LARGE1: variants seen among roughly 807,000 people sequenced by gnomAD.
The protein encoded by LARGE1 is LARGE xylosyl- and glucuronyltransferase 1.
LARGE1 carries 43 observed loss-of-function variants against 87.6 expected under a neutral mutation model. That is an observed-to-expected ratio of 0.49 (90% CI 0.38 to 0.63). The LOEUF is 0.63. LARGE1 is among the 30% of genes least tolerant of loss of function. The pLI is 0.00. For missense variants in LARGE1, 802 were observed against 1,000.2 expected, an observed-to-expected ratio of 0.80 and a Z score of 2.67; for synonymous variants, 434 against 394.6, an observed-to-expected ratio of 1.10 and a Z score of -1.18.
chr22:33,606,972 C>T (rs147637487), intron 4 of LARGE1, among the ~76,000 whole-genome samples: 1 of 152,152 alleles, frequency 6.6e-6, no homozygotes, highest in Admixed American at 6.5e-5. Flanking sequence ...CTACACCCCC[C>T]ATGTGAGCTC....
chr22:33,406,301 C>T (rs1368428164), intron 7 of LARGE1, among the ~76,000 whole-genome samples: 6 of 152,144 alleles, frequency 3.9e-5, no homozygotes, highest in East Asian at 1.9e-4. Context: ...TCTTCCCTTC[C>T]CCATTCTGTC....
At chr22:33,540,111 T>G (rs1292947343) in intron 6 of LARGE1, among the ~76,000 whole-genome samples, 1 of 152,142 alleles carries the variant, frequency 6.6e-6, no homozygotes, top group Non-Finnish European at 1.5e-5. Context: ...TCCTGCCTTC[T>G]ACTCCCCTTC....
At chr22:33,780,417 C>A (rs958906743) in intron 1 of LARGE1, among the ~76,000 whole-genome samples, 1 of 149,266 alleles carries the variant, frequency 6.7e-6, no homozygotes, top group East Asian at 2.0e-4. Flanking sequence ...TCAGTGATAC[C>A]CAGTCCCCAG....
At chr22:33,719,921 T>C (rs772837988) in intron 2 of LARGE1, among the ~76,000 whole-genome samples, 3 of 152,280 alleles carry the variant, frequency 2.0e-5, no homozygotes, top group South Asian at 2.1e-4. Context: ...TCACATGCTA[T>C]ACAGGTTTGC....
intron 2 of LARGE1, among the ~76,000 whole-genome samples, chr22:33,692,977 CA>C (rs2082137769): frequency 6.6e-6 from 1 of 152,076 alleles, no homozygotes; most frequent in South Asian, 2.1e-4. Context: ...TTCACAATAG[CA>C]AAGACATGGG....
chr22:33,369,627 C>T (rs771693186), intron 9 of LARGE1, among the ~76,000 whole-genome samples: 37 of 152,078 alleles, frequency 2.4e-4, no homozygotes, highest in Non-Finnish European at 4.4e-4. Context: ...TGCGGTGGCA[C>T]GATCTAGGCT....
Position 33,363,239 on chromosome 22 carries a change from T to C in LARGE1, c.1131+18680A>G, listed in dbSNP as rs142972018. Among the ~76,000 whole-genome samples the C allele has an allele frequency of 8.7e-4, 130 of 149,818 alleles. 7 individuals are homozygous for C. In the East Asian group the frequency reaches 0.021, roughly 24 times the overall value. ...TGCCTGAAACCATGCAATAGTGCTGTATAAGTCCGTTTTCACGCTGCTGAT... is the reference window on the plus strand; with the variant it reads ...TGCCTGAAACCATGCAATAGTGCTGCATAAGTCCGTTTTCACGCTGCTGAT... On this transcript the variant is annotated intron_variant, in intron 9 of 14. Coordinates refer to ENST00000397394, the MANE Select transcript of LARGE1 (RefSeq NM_133642.5).
Position 33,622,357 on chromosome 22 carries a change from T to C in LARGE1, c.491+3887A>G, listed in dbSNP as rs1305379382. On this transcript the variant is annotated intron_variant, in intron 4 of 14. Transcript: ENST00000397394. ...CCTTCCTGCCATCTTGTGAAGAAGA[T>C]GCCTTGCTCCCGCTTCACCTTCCGC... 2.6e-5 allele frequency among the ~76,000 whole-genome samples: 4 copies of C among 152,176 alleles called. No individual in the cohort carries two copies. The East Asian group carries it at 7.7e-4, about 29-fold the overall frequency.
chr22:33,795,203 C>T (rs1001027098), intron 1 of LARGE1, among the ~76,000 whole-genome samples: 1 of 152,184 alleles, frequency 6.6e-6, no homozygotes, highest in African/African-American at 2.4e-5. Flanking sequence ...AGGATAAATA[C>T]AGTAACAAGT....
intron 1 of LARGE1, among the ~76,000 whole-genome samples, chr22:33,796,722 A>C (rs2085995860): frequency 1.4e-5 from 2 of 144,678 alleles, no homozygotes; most frequent in Middle Eastern, 3.5e-3. Flanking sequence ...CAGGTGGAGG[A>C]GGAGGGGAGA....
At chr22:33,228,526 C>T (rs1925847745) in intron 11 of LARGE1, among the ~76,000 whole-genome samples, 1 of 152,290 alleles carries the variant, frequency 6.6e-6, no homozygotes, top group African/African-American at 2.4e-5. Flanking sequence ...TGAAGGCAAC[C>T]TCTAACAACT....
intron 6 of LARGE1, among the ~76,000 whole-genome samples, chr22:33,553,648 T>C (rs1416123259): frequency 6.6e-6 from 1 of 152,196 alleles, no homozygotes; most frequent in African/African-American, 2.4e-5. Flanking sequence ...CTCACGCCAA[T>C]ACCCCATGGG....
intron 7 of LARGE1, among the ~76,000 whole-genome samples, chr22:33,404,921 T>C (rs1601724239): frequency 6.6e-6 from 1 of 152,114 alleles, no homozygotes; most frequent in Non-Finnish European, 1.5e-5. Context: ...ACCTGAGCAA[T>C]TATCCAGGGT....
chr22:33,585,787 A>G (rs187412464), intron 5 of LARGE1, among the ~76,000 whole-genome samples: 3 of 152,364 alleles, frequency 2.0e-5, no homozygotes, highest in African/African-American at 7.2e-5. Context: ...GAATCACTGT[A>G]GCTGCACAAA....
At chr22:33,650,798 G>C in intron 2 of LARGE1, 130 bp from the exon 3 acceptor site, 1 of 1,007,662 alleles carries the variant, frequency 9.9e-7, no homozygotes, top group South Asian at 1.4e-5. Flanking sequence ...AAAACAGATG[G>C]AAAGTGAGTT....
intron 7 of LARGE1, among the ~76,000 whole-genome samples, chr22:33,414,570 C>T (rs2066422049): frequency 2.6e-5 from 4 of 152,152 alleles, no homozygotes; most frequent in Admixed American, 2.0e-4. Flanking sequence ...TAAGAAAATG[C>T]AGCTGCTGAT....
chr22:33,730,497 T>C (rs1357588939), intron 2 of LARGE1, among the ~76,000 whole-genome samples: 1 of 152,142 alleles, frequency 6.6e-6, no homozygotes, highest in African/African-American at 2.4e-5. Context: ...ATCCATAAAA[T>C]TGTTTTTGAA....
chr22:33,384,398 GGAT>G (rs2065257189), intron 7 of LARGE1, 94 bp from the exon 8 acceptor site: 1 of 907,956 alleles, frequency 1.1e-6, no homozygotes, highest in Admixed American at 1.9e-5. Flanking sequence ...AGTCTCTCGG[GGAT>G]GATTGTCTTA....
At chr22:33,199,149 C>CT (rs1924239065) in intron 11 of LARGE1, among the ~76,000 whole-genome samples, 1 of 150,752 alleles carries the variant, frequency 6.6e-6, no homozygotes, top group Non-Finnish European at 1.5e-5. Context: ...TGTATGTCTT[C>CT]TTTTTAAAAA....
Sources: allele counts gnomAD v4.1 joint callset (sites outside exome capture counted in the v4.1 genomes callset), GRCh38; gene constraint gnomAD v4.1.1; transcripts MANE v1.5; gene names NCBI Gene and HGNC (gene_info 2026-07-23, HGNC 2026-07-21).